POPDC1: variants seen among roughly 807,000 people sequenced by gnomAD.
The protein encoded by POPDC1 is popeye domain-containing protein 1.
At chr6:105,133,672 T>G in the POPDC1 span, 2 of 948,224 alleles carry the variant, frequency 2.1e-6, no homozygotes, top group Non-Finnish European at 3.1e-6. Context: ...CCAAAATTAT[T>G]TCTGTGAATT....
At chr6:105,104,730 G>A in the POPDC1 span, among the ~76,000 whole-genome samples, 1,914 of 152,190 alleles carry the variant, frequency 0.013, 21 homozygotes, top group African/African-American at 0.03. Flanking sequence ...CAAGAACACC[G>A]TTCTCTCAAA....
At chr6:105,108,230 C>G in the POPDC1 span, among the ~76,000 whole-genome samples, 5 of 152,120 alleles carry the variant, frequency 3.3e-5, no homozygotes, top group African/African-American at 1.2e-4. Context: ...GGTGAATGAA[C>G]CCAGGAGAAG....
chr6:105,109,032 C>G, the POPDC1 span, among the ~76,000 whole-genome samples: 1 of 152,186 alleles, frequency 6.6e-6, no homozygotes, highest in East Asian at 1.9e-4. Context: ...GTGATCTTGA[C>G]TCACTGCAAC....
the POPDC1 span, chr6:105,100,277 A>C: frequency 1.3e-5 from 2 of 152,180 alleles, no homozygotes; most frequent in South Asian, 2.1e-4. Context: ...TGGGAGGCCA[A>C]GGTGGGCGGA....
At chr6:105,129,886 G>A in the POPDC1 span, among the ~76,000 whole-genome samples, 1 of 152,078 alleles carries the variant, frequency 6.6e-6, no homozygotes, top group Non-Finnish European at 1.5e-5. Context: ...AATATTATTG[G>A]ACTGTTGTTG....
the POPDC1 span, among the ~76,000 whole-genome samples, chr6:105,130,777 CT>C: frequency 6.6e-6 from 1 of 152,104 alleles, no homozygotes. Context: ...CTAAATATAT[CT>C]AAACATGGAA....
the POPDC1 span, among the ~76,000 whole-genome samples, chr6:105,131,438 A>AT: frequency 0.043 from 6,510 of 151,504 alleles, 462 homozygotes; most frequent in African/African-American, 0.15. Flanking sequence ...ACTTTTTAAA[A>AT]TTTTTTTTTC....
chr6:105,104,714 C>A, the POPDC1 span, among the ~76,000 whole-genome samples: 1 of 152,162 alleles, frequency 6.6e-6, no homozygotes, highest in South Asian at 2.1e-4. Flanking sequence ...CTGCTTAGGG[C>A]ATGGACAAGA....
the POPDC1 span, among the ~76,000 whole-genome samples, chr6:105,117,872 C>T: frequency 3.7e-3 from 568 of 152,200 alleles, no homozygotes; most frequent in Non-Finnish European, 6.0e-3. Flanking sequence ...ATGGCAAAAC[C>T]CTGGCTCTAT....
At chr6:105,134,237 T>G in the POPDC1 span, among the ~76,000 whole-genome samples, 3 of 152,126 alleles carry the variant, frequency 2.0e-5, no homozygotes, top group African/African-American at 7.2e-5. Flanking sequence ...TATTGTCTTA[T>G]TTAAATCTCT....
chr6:105,126,351 G>A, the POPDC1 span, among the ~76,000 whole-genome samples: 1 of 151,818 alleles, frequency 6.6e-6, no homozygotes, highest in Non-Finnish European at 1.5e-5. Context: ...AGGATTACTT[G>A]AGCCCAGAAG....
At chr6:105,100,413 G>A in the POPDC1 span, 2 of 152,144 alleles carry the variant, frequency 1.3e-5, no homozygotes, top group Non-Finnish European at 2.9e-5. Flanking sequence ...GGGAGGCTGA[G>A]GCAGGAGAGT....
chr6:105,100,295 G>C, the POPDC1 span: 1 of 151,820 alleles, frequency 6.6e-6, no homozygotes, highest in Non-Finnish European at 1.5e-5. Context: ...GGATCACGAG[G>C]TCAGGAGATC....
the POPDC1 span, among the ~76,000 whole-genome samples, chr6:105,132,185 C>A: frequency 2.0e-5 from 3 of 152,106 alleles, no homozygotes; most frequent in African/African-American, 7.2e-5. Flanking sequence ...AAGCTGGTCT[C>A]GAACTCCTGA....
chr6:105,129,301 A>G, the POPDC1 span: 1 of 1,265,878 alleles, frequency 7.9e-7, no homozygotes, highest in Non-Finnish European at 1.1e-6. Flanking sequence ...CTAGATACTT[A>G]CTCTTAACTC....
chr6:105,135,053 A>G, the POPDC1 span, among the ~76,000 whole-genome samples: 1 of 152,226 alleles, frequency 6.6e-6, no homozygotes, highest in Non-Finnish European at 1.5e-5. Context: ...CTCATAACCC[A>G]ACATCACCTA....
the POPDC1 span, chr6:105,097,774 C>T: frequency 1.3e-5 from 2 of 152,068 alleles, no homozygotes; most frequent in East Asian, 3.9e-4. Context: ...CAGCAAAACG[C>T]AAAGGTGTCC....
At chr6:105,107,666 T>C in the POPDC1 span, among the ~76,000 whole-genome samples, 2 of 152,242 alleles carry the variant, frequency 1.3e-5, no homozygotes, top group African/African-American at 4.8e-5. Context: ...GTTTTCTCCA[T>C]TTCTTTCAAA....
the POPDC1 span, chr6:105,097,369 G>C: frequency 2.0e-5 from 3 of 152,342 alleles, no homozygotes; most frequent in Non-Finnish European, 2.9e-5. Flanking sequence ...CTTTATAAAT[G>C]ACCAAGAAAA....
Sources: gnomAD v4.1 joint callset for allele counts (sites outside exome capture counted in the v4.1 genomes callset) on GRCh38, gnomAD v4.1.1 for gene constraint, MANE v1.5 for transcripts, NCBI Gene and HGNC (gene_info 2026-07-23, HGNC 2026-07-21) for gene names.